Variants in CDH12 observed in about 807,000 individuals in gnomAD.
CDH12 encodes the protein cadherin 12, also known as cadherin-12.
Under a neutral mutation model 74.1 loss-of-function variants are expected in CDH12, and 41 were observed. The ratio of observed to expected loss-of-function variants is 0.55; its 90% CI spans 0.43 to 0.72. The LOEUF (loss-of-function observed/expected upper bound fraction) is 0.72, where lower values mean the gene tolerates loss of function less well. CDH12 is among the 30% of genes least tolerant of loss of function. The pLI is 0.00. For missense variants in CDH12, 945 were observed against 977.2 expected (o/e 0.97, Z 0.44); for synonymous variants, 399 against 355.0 (o/e 1.12, Z -1.39).
intron 1 of CDH12, among the ~76,000 whole-genome samples, chr5:22,711,101 T>C (rs269032): frequency 0.3 from 45,150 of 151,844 alleles, 6,902 homozygotes; most frequent in South Asian, 0.34. Context: ...AATCAAAACT[T>C]TGTAAAATTG....
intron 4 of CDH12, among the ~76,000 whole-genome samples, chr5:22,168,689 A>G (rs901448579): frequency 3.3e-5 from 5 of 151,818 alleles, no homozygotes; most frequent in African/African-American, 9.7e-5. Flanking sequence ...GCTTTCACAT[A>G]TGGACACATA....
At chr5:22,734,973 T>C (rs1744611591) in intron 1 of CDH12, among the ~76,000 whole-genome samples, 1 of 152,034 alleles carries the variant, frequency 6.6e-6, no homozygotes, top group Middle Eastern at 3.4e-3. Context: ...TATGGAATAT[T>C]ATTCCTTCTT....
intron 1 of CDH12, among the ~76,000 whole-genome samples, chr5:22,575,498 T>A (rs186095088): frequency 9.3e-4 from 142 of 152,172 alleles, no homozygotes; most frequent in Middle Eastern, 6.8e-3. Flanking sequence ...GCTCAAGCAA[T>A]CCTTCCACAT....
In CDH12 at chr5:22,801,682, T is replaced by C. The variant is rs890251459; in HGVS notation, c.-523+51376A>G. Among the ~76,000 whole-genome samples, 280 of 87,192 alleles carry C rather than the reference T, an allele frequency of 3.2e-3. 3 individuals are homozygous for C. The highest frequency in any genetic ancestry group is 4.5e-3 in the Non-Finnish European group (220 of 49,190). 57.2% of individuals were successfully genotyped at this position (87,192 alleles called of 152,430 possible). On this transcript the variant is annotated intron_variant, in intron 1 of 14. Transcript: ENST00000382254. ...ATATATATATATATATATATATATA[T>C]ATACACTTTGTTTAATAGGGAGAAC...
intron 1 of CDH12, among the ~76,000 whole-genome samples, chr5:22,506,615 C>G (rs1736396983): frequency 1.3e-5 from 2 of 150,970 alleles, no homozygotes; most frequent in South Asian, 4.2e-4. Context: ...CTTTTTTTTT[C>G]AAGGATCTCT....
At chr5:21,977,429 T>G (rs1561342876) in intron 5 of CDH12, among the ~76,000 whole-genome samples, 1 of 152,088 alleles carries the variant, frequency 6.6e-6, no homozygotes, top group Non-Finnish European at 1.5e-5. Flanking sequence ...TATCTAAATA[T>G]ATGAGACAGG....
chr5:22,036,144 C>T (rs1289366540), intron 5 of CDH12, among the ~76,000 whole-genome samples: 1 of 152,154 alleles, frequency 6.6e-6, no homozygotes, highest in African/African-American at 2.4e-5. Flanking sequence ...TTTCCTGCAG[C>T]TTACTGTTTA....
chr5:21,913,805 A>G (rs1321217581), intron 6 of CDH12, among the ~76,000 whole-genome samples: 1 of 151,962 alleles, frequency 6.6e-6, no homozygotes, highest in Non-Finnish European at 1.5e-5. Flanking sequence ...CCTCCCAAGT[A>G]GTCCCTGTAG....
chr5:22,641,730 C>A (rs1032286929), intron 1 of CDH12, among the ~76,000 whole-genome samples: 21 of 152,128 alleles, frequency 1.4e-4, no homozygotes, highest in African/African-American at 4.6e-4. Flanking sequence ...TCTTGCTATT[C>A]AAATATCAAT....
chr5:22,291,093 A>G (rs889292813), intron 3 of CDH12, among the ~76,000 whole-genome samples: 11 of 152,168 alleles, frequency 7.2e-5, no homozygotes, highest in African/African-American at 2.2e-4. Flanking sequence ...TGATACATCA[A>G]ATTAATAGAA....
chr5:22,649,160 T>C (rs569485388), intron 1 of CDH12, among the ~76,000 whole-genome samples: 1 of 152,098 alleles, frequency 6.6e-6, no homozygotes, highest in African/African-American at 2.4e-5. Flanking sequence ...GTCTCTGTAA[T>C]AAAAATATTA....
At chr5:22,760,733 C>G (rs1395436648) in intron 1 of CDH12, among the ~76,000 whole-genome samples, 1 of 132,910 alleles carries the variant, frequency 7.5e-6, no homozygotes, top group Non-Finnish European at 1.6e-5. Flanking sequence ...AAAATCAATA[C>G]GTCAAACATT....
At chr5:22,540,524 AATC>A (rs923194603) in intron 1 of CDH12, among the ~76,000 whole-genome samples, 4 of 152,156 alleles carry the variant, frequency 2.6e-5, no homozygotes, top group Admixed American at 6.6e-5. Context: ...TTAATACCAA[AATC>A]ATCATATTTT....
intron 4 of CDH12, among the ~76,000 whole-genome samples, chr5:22,200,955 T>C (rs1750895247): frequency 6.6e-6 from 1 of 152,178 alleles, no homozygotes; most frequent in Non-Finnish European, 1.5e-5. Flanking sequence ...GAGTGTGCTA[T>C]GGAAACTGAT....
chr5:21,804,649 C>T (rs62348726), intron 9 of CDH12, among the ~76,000 whole-genome samples: 4,881 of 19,668 alleles, frequency 0.25, 142 homozygotes, highest in East Asian at 0.41. Context: ...TTAAAACACA[C>T]ACACACACAC....
intron 1 of CDH12, among the ~76,000 whole-genome samples, chr5:22,588,342 G>A (rs1740516806): frequency 6.6e-6 from 1 of 152,014 alleles, no homozygotes; most frequent in East Asian, 1.9e-4. Flanking sequence ...CTAGTAAATT[G>A]GAAGTCATTT....
intron 1 of CDH12, among the ~76,000 whole-genome samples, chr5:22,746,487 A>G (rs1318139551): frequency 6.6e-6 from 1 of 152,208 alleles, no homozygotes; most frequent in Non-Finnish European, 1.5e-5. Context: ...ACTTAGCCAA[A>G]GTAGGGTCTT....
At chr5:22,207,678 T>C (rs34953004) in intron 4 of CDH12, among the ~76,000 whole-genome samples, 55,791 of 152,082 alleles carry the variant, frequency 0.37, 11,703 homozygotes, top group East Asian at 0.71. Context: ...TTCTCTAAAA[T>C]GGCTCCTAAG....
At position 22,078,610 on chromosome 5, in the gene CDH12, G is replaced by C. The variant is rs779238307; in HGVS notation, c.67C>G (p.Leu23Val). 1 of 1,613,926 alleles carries C rather than the reference G, an allele frequency of 6.2e-7. No homozygotes were observed. Among genetic ancestry groups the C allele is most frequent in the Non-Finnish European group, 8.5e-7 (1 of 1,179,862 alleles). Residue 23 changes from leucine to valine, a missense_variant, in exon 5 of 15, where the codon CTA (leucine) becomes GTA (valine). Coordinates refer to ENST00000382254, the MANE Select transcript of CDH12 (RefSeq NM_004061.5). ...VLFDGGLLTP[L>V]QPQPQQTLAT... is the part of the protein sequence containing the mutation. ...AAAGTCTGCTGTGGCTGTGGTTGTA[G>C]TGGTGTTAGGAGACCTCCATCAAAC...
Sources: gnomAD v4.1 joint callset for allele counts (sites outside exome capture counted in the v4.1 genomes callset) on GRCh38, gnomAD v4.1.1 for gene constraint, MANE v1.5 for transcripts, NCBI Gene and HGNC (gene_info 2026-07-23, HGNC 2026-07-21) for gene names.